Variants in PRAMEF20 observed in about 807,000 individuals in gnomAD.
PRAMEF20 encodes PRAME family member 20.
Under a neutral mutation model 32.4 loss-of-function variants are expected in PRAMEF20, and 27 were observed. That is an observed-to-expected ratio of 0.83 (90% CI 0.61 to 1.15). The LOEUF (loss-of-function observed/expected upper bound fraction) is 1.15, where lower values mean the gene tolerates loss of function less well. PRAMEF20 is among the 50% of genes most tolerant of loss of function. The pLI is 0.00. For synonymous variants in PRAMEF20, 256 were observed against 235.4 expected (o/e 1.09, Z -0.80); for missense variants, 604 against 584.5 (o/e 1.03, Z -0.34).
Position 13,420,736 on chromosome 1 carries a change from CTG to C in PRAMEF20, c.911_912del (p.Val304AlafsTer48), listed in dbSNP as rs1641233338. ...CGTTAAACATCCTCGCAATAACTAACTGTGTGCTTTTGGAATCAGACTTGAAG... is the reference window on the plus strand; with the variant it reads ...CGTTAAACATCCTCGCAATAACTAACTGTGCTTTTGGAATCAGACTTGAAG... On this transcript the variant is annotated frameshift_variant, in exon 3 of 3. Coordinates refer to ENST00000602960, the Ensembl canonical transcript of PRAMEF20. LOFTEE classifies it high-confidence loss of function. 13 of 1,613,942 alleles carry C rather than the reference CTG, an allele frequency of 8.1e-6. 1 individual carries two copies. The Admixed American group carries it at 1.3e-4, about 17-fold the overall frequency.
upstream of PRAMEF20, chr1:13,416,260 T>C: frequency 1.9e-6 from 3 of 1,605,920 alleles, no homozygotes; most frequent in East Asian, 2.2e-5. Flanking sequence ...GCAATGACTT[T>C]GGCCCTGGGA....
At chr1:13,414,102 C>T (rs1245278004), upstream of PRAMEF20, among the ~76,000 whole-genome samples, 3 of 151,236 alleles carry the variant, frequency 2.0e-5, no homozygotes, top group African/African-American at 7.3e-5. Flanking sequence ...AGTGCAGTGG[C>T]ATGATCTCAG....
chr1:13,418,565 C>T lies in PRAMEF20; in HGVS notation c.731C>T (p.Ser244Phe), dbSNP rs1305842903. The T allele has an allele frequency of 8.1e-6, 13 of 1,613,834 alleles. No individual in the cohort carries two copies. In the African/African-American group the frequency reaches 1.2e-4, roughly 15 times the overall value. ...AAGCTCGTTCTCTCTGACATAGATT[C>T]TCGCTACATTTCCCCAGAGCAGAAG... Residue 244 changes from serine to phenylalanine, a missense_variant, in exon 2 of 3, where the codon TCT (serine) becomes TTT (phenylalanine). By Grantham distance (155) the Ser-to-Phe change is radical. Coordinates refer to ENST00000602960, the Ensembl canonical transcript of PRAMEF20.
At chr1:13,420,597 G>T in intron 2 of PRAMEF20, 100 bp from the exon 4 acceptor site, 1 of 1,536,800 alleles carries the variant, frequency 6.5e-7, no homozygotes, top group Non-Finnish European at 9.0e-7. Context: ...CCCTGGGCTT[G>T]GGCAAAATGG....
Position 13,416,771 on chromosome 1 carries a change from G to A in PRAMEF20, c.287+130G>A, listed in dbSNP as rs929467712. On this transcript the variant is annotated intron_variant, in intron 1 of 2. Coordinates refer to ENST00000602960, the Ensembl canonical transcript of PRAMEF20. ...AATGGTTTTGGTGAGGAAGCTTAGA[G>A]AGGCCTTGGCCATTGCCCAGCTCCT... is the stretch of plus-strand genomic sequence containing the variant. 3.8e-6 allele frequency: 6 copies of A among 1,561,426 alleles called. No individual in the cohort carries two copies. The Admixed American group carries it at 1.0e-4, about 26-fold the overall frequency.
the PRAMEF20 span, chr1:13,410,561 C>A: frequency 6.6e-6 from 1 of 151,674 alleles, no homozygotes; most frequent in Non-Finnish European, 1.5e-5. Flanking sequence ...ACACTCCCAT[C>A]TGACCTACAG....
upstream of PRAMEF20, among the ~76,000 whole-genome samples, chr1:13,412,553 C>A (rs1641124034): frequency 6.6e-6 from 1 of 152,098 alleles, no homozygotes; most frequent in Non-Finnish European, 1.5e-5. Flanking sequence ...CCCTAAGATC[C>A]CCCAACATAT....
At chr1:13,415,108 T>A (rs2100430768), upstream of PRAMEF20, among the ~76,000 whole-genome samples, 3 of 150,058 alleles carry the variant, frequency 2.0e-5, no homozygotes, top group South Asian at 6.4e-4. Context: ...GCTTGGAGTT[T>A]CATTCATGTC....
chr1:13,415,852 GGAGA>G (rs1216440897), upstream of PRAMEF20, among the ~76,000 whole-genome samples: 49 of 151,624 alleles, frequency 3.2e-4, no homozygotes, highest in African/African-American at 1.2e-3. Context: ...AAGAAGAAAG[GGAGA>G]GAGAAAGAGA....
At chr1:13,410,821 C>T in the PRAMEF20 span, among the ~76,000 whole-genome samples, 1 of 151,908 alleles carries the variant, frequency 6.6e-6, no homozygotes, top group South Asian at 2.1e-4. Flanking sequence ...GGGTTCAAGA[C>T]CAATCTGGGC....
chr1:13,419,979 G>A (rs1160769567), intron 2 of PRAMEF20, among the ~76,000 whole-genome samples: 4 of 152,172 alleles, frequency 2.6e-5, no homozygotes, highest in African/African-American at 9.7e-5. Context: ...GAAAGTGATA[G>A]ATGGTTTGCT....
upstream of PRAMEF20, among the ~76,000 whole-genome samples, chr1:13,413,201 G>C (rs1177361923): frequency 2.6e-5 from 4 of 151,098 alleles, no homozygotes; most frequent in African/African-American, 9.7e-5. Context: ...TTTGTGGAGT[G>C]AATCAGTGAA....
At chr1:13,416,132 C>T (rs1007847175), upstream of PRAMEF20, among the ~76,000 whole-genome samples, 5 of 152,184 alleles carry the variant, frequency 3.3e-5, no homozygotes, top group African/African-American at 1.2e-4. Flanking sequence ...GGTGGCCCTG[C>T]CTCCTCACTG....
chr1:13,416,447 G>A lies in PRAMEF20; in HGVS notation c.93G>A (p.Leu31=). 2.5e-6 allele frequency: 4 copies of A among 1,613,972 alleles called. No homozygotes were observed. In the South Asian group the frequency reaches 4.4e-5, roughly 18 times the overall value. Residue 31 remains leucine, a synonymous_variant, in exon 1 of 3, where the codon CTG becomes CTA. Coordinates refer to ENST00000602960, the Ensembl canonical transcript of PRAMEF20. ...TGGCCATCTCCACCCTGGAGGAGCT[G>A]CCCACGGAACTTTTTCCCCCATTGT...
chr1:13,416,207 A>G, upstream of PRAMEF20: 7 of 1,452,578 alleles, frequency 4.8e-6, no homozygotes, highest in Non-Finnish European at 6.7e-6. Context: ...CTGAGTACAG[A>G]GTAGAATTGG....
At chr1:13,420,135 A>C (rs1336964763) in intron 2 of PRAMEF20, among the ~76,000 whole-genome samples, 7 of 152,168 alleles carry the variant, frequency 4.6e-5, no homozygotes, top group African/African-American at 1.4e-4. Flanking sequence ...AGATGAGGAA[A>C]GGGAGCTTTA....
intron 1 of PRAMEF20, among the ~76,000 whole-genome samples, 161 bp downstream of exon 2, chr1:13,416,802 A>G (rs1362198117): frequency 6.6e-6 from 1 of 152,188 alleles, no homozygotes; most frequent in Non-Finnish European, 1.5e-5. Flanking sequence ...CTCCTCAGGG[A>G]AAGGACTGCT....
At chr1:13,418,288 G>T in exon 2 of PRAMEF20, 20 of 1,613,872 alleles carry the variant, frequency 1.2e-5, no homozygotes, top group Non-Finnish European at 1.7e-5. Flanking sequence ...TGTGTTCATA[G>T]ACCTTTGCCT....
exon 3 of PRAMEF20, chr1:13,420,931 C>T (rs1217475056): frequency 2.2e-5 from 36 of 1,613,734 alleles, no homozygotes; most frequent in Middle Eastern, 1.7e-4. Context: ...CCCAAGTCAA[C>T]GCCATCCTGC....
Sources: allele counts gnomAD v4.1 joint callset (sites outside exome capture counted in the v4.1 genomes callset), GRCh38; gene constraint gnomAD v4.1.1; transcripts MANE v1.5; gene names NCBI Gene and HGNC (gene_info 2026-07-23, HGNC 2026-07-21).